The following LMX1B variants were observed in gnomAD, a reference collection of about 807,000 sequenced individuals.
LMX1B encodes LIM homeobox transcription factor 1 beta.
In LMX1B, 12 loss-of-function variants were observed where a neutral mutation model predicts 51.4. The ratio of observed to expected loss-of-function variants is 0.23; its 90% CI spans 0.15 to 0.38. The LOEUF (loss-of-function observed/expected upper bound fraction) is 0.38, where lower values mean the gene tolerates loss of function less well. LMX1B is among the 10% of genes least tolerant of loss of function. LMX1B has a pLI of 1.00. For synonymous variants in LMX1B, 237 were observed against 235.4 expected, an observed-to-expected ratio of 1.01 and a Z score of -0.06; for missense variants, 445 against 571.1, an observed-to-expected ratio of 0.78 and a Z score of 2.25.
chr9:126,678,340 A>G (rs1392572198), intron 2 of LMX1B, among the ~76,000 whole-genome samples: 1 of 149,240 alleles, frequency 6.7e-6, no homozygotes, highest in African/African-American at 2.6e-5. Flanking sequence ...AAAAAAAAAA[A>G]ACAAAAAGAC....
intron 2 of LMX1B, among the ~76,000 whole-genome samples, chr9:126,630,055 G>A (rs900558499): frequency 1.2e-4 from 18 of 151,866 alleles, no homozygotes; most frequent in Non-Finnish European, 2.9e-5. Flanking sequence ...CCAGCTACTC[G>A]GGAGGCTGAG....
At chr9:126,660,898 G>C (rs1158387962) in intron 2 of LMX1B, among the ~76,000 whole-genome samples, 2 of 152,204 alleles carry the variant, frequency 1.3e-5, no homozygotes, top group Non-Finnish European at 2.9e-5. Flanking sequence ...AGGGCATTTT[G>C]GGAGACGCCA....
chr9:126,695,502 G>A lies in LMX1B; in HGVS notation c.887-337G>A, dbSNP rs2030293297. Reference sequence around the variant, plus strand: ...CTTTCCTCCAGGAAGTCTTCCCGGGGCCTTTTTGGCCTGGGTCTGGGACCT... The same window carrying A: ...CTTTCCTCCAGGAAGTCTTCCCGGGACCTTTTTGGCCTGGGTCTGGGACCT... On this transcript the variant is annotated intron_variant, in intron 6 of 7. Coordinates refer to ENST00000373474, the MANE Select transcript of LMX1B (RefSeq NM_001174147.2). This position sits in a 1 kb window ranked among gnomAD's most constrained non-coding sequence, Gnocchi z 5.2. Among the ~76,000 whole-genome samples the A allele has an allele frequency of 6.6e-6, 1 of 152,228 alleles. No homozygotes were observed. The highest frequency in any genetic ancestry group is 2.4e-5 in the African/African-American group (1 of 41,460).
chr9:126,617,856 C>T (rs1835331956), intron 2 of LMX1B, among the ~76,000 whole-genome samples: 1 of 136,148 alleles, frequency 7.3e-6, no homozygotes, highest in Admixed American at 8.5e-5. Flanking sequence ...TCTATTTTTT[C>T]CAATAACGCC....
At chr9:126,642,602 C>A (rs562086925) in intron 2 of LMX1B, among the ~76,000 whole-genome samples, 6 of 152,246 alleles carry the variant, frequency 3.9e-5, no homozygotes, top group Non-Finnish European at 5.9e-5. Context: ...CAGCCCTTGT[C>A]ATGTGGCTTT....
chr9:126,652,459 G>T (rs986457266), intron 2 of LMX1B, among the ~76,000 whole-genome samples: 2 of 152,260 alleles, frequency 1.3e-5, no homozygotes, highest in Non-Finnish European at 2.9e-5. Flanking sequence ...GGCCGCATGG[G>T]CGGGGCTGGC....
chr9:126,668,112 C>T (rs1385442790), intron 2 of LMX1B, among the ~76,000 whole-genome samples: 2 of 152,050 alleles, frequency 1.3e-5, no homozygotes, highest in African/African-American at 4.8e-5. Context: ...GGTTAGGAAA[C>T]GGAGGGCAGA....
chr9:126,691,241 A>T (rs555057358), intron 3 of LMX1B, among the ~76,000 whole-genome samples, 173 bp downstream of exon 3: 1 of 152,264 alleles, frequency 6.6e-6, no homozygotes, highest in South Asian at 2.1e-4. Flanking sequence ...CTGTGTGCAC[A>T]TGATACGAAC....
In LMX1B at chr9:126,625,128, AAAG is replaced by A. The variant is rs941365095; in HGVS notation, c.326+9563_326+9565del. Among the ~76,000 whole-genome samples, 18 of 152,344 alleles carry A rather than the reference AAAG, an allele frequency of 1.2e-4. No homozygotes were observed. The highest frequency in any genetic ancestry group is 1.2e-3 in the Admixed American group (18 of 15,310). On this transcript the variant is annotated intron_variant, in intron 2 of 7. Transcript: ENST00000373474. This position sits in a 1 kb window ranked among gnomAD's most constrained non-coding sequence, Gnocchi z 5.3. ...TCCCCTTATTCATGTCAAGCACAGA[AAAG>A]AAGCCGAGCACCTTACAACCGTGTC...
chr9:126,662,440 A>G lies in LMX1B; in HGVS notation c.327-28396A>G, dbSNP rs3861871. On this transcript the variant is annotated intron_variant, in intron 2 of 7. Transcript: ENST00000373474. The stretch of plus-strand genomic sequence containing the variant: ...TCAATTTCCTCGGCTGTAAAGTGGG[A>G]CCAGGATCTGTTTGCTTGAGGGTAG... Among the ~76,000 whole-genome samples, 71,099 of 152,014 alleles carry G rather than the reference A, an allele frequency of 0.47. 16,755 individuals are homozygous for G. Among genetic ancestry groups the G allele is most frequent in the East Asian group, 0.57 (2,931 of 5,156 alleles).
Position 126,696,524 on chromosome 9 carries a change from AC to A in LMX1B, c.*78del. On this transcript the variant is annotated 3_prime_UTR_variant, in exon 8 of 8. Transcript: ENST00000373474. Reference sequence around the variant, plus strand: ...GCCAGCCTCTGCGGCCAGCCTGGCCACCCCCGCCCTGCTCTCCGCACAGACT... The same window carrying A: ...GCCAGCCTCTGCGGCCAGCCTGGCCACCCCGCCCTGCTCTCCGCACAGACT... 2 of 1,549,754 alleles carry A rather than the reference AC, an allele frequency of 1.3e-6. No homozygotes were observed. The highest frequency in any genetic ancestry group is 1.8e-6 in the Non-Finnish European group (2 of 1,124,066).
intron 2 of LMX1B, among the ~76,000 whole-genome samples, chr9:126,638,744 C>A (rs990819820): frequency 1.3e-5 from 2 of 152,170 alleles, no homozygotes; most frequent in African/African-American, 2.4e-5. Context: ...CCGATCTCTC[C>A]CGGGGGAGCC....
intron 3 of LMX1B, among the ~76,000 whole-genome samples, chr9:126,691,934 C>T (rs2030148474): frequency 6.6e-6 from 1 of 152,234 alleles, no homozygotes; most frequent in South Asian, 2.1e-4. Flanking sequence ...GCAGACAGGG[C>T]AAGCCCAGCC....
chr9:126,655,331 C>T (rs776422230), intron 2 of LMX1B, among the ~76,000 whole-genome samples: 2 of 152,152 alleles, frequency 1.3e-5, no homozygotes, highest in African/African-American at 2.4e-5. Context: ...TAGACCACCC[C>T]TCCAGCACTG....
chr9:126,682,524 T>C (rs1239435749), intron 2 of LMX1B, among the ~76,000 whole-genome samples: 2 of 152,120 alleles, frequency 1.3e-5, no homozygotes, highest in Non-Finnish European at 2.9e-5. Context: ...GGTGGGGGCA[T>C]TGGGAGGGGC....
At chr9:126,691,674 C>T (rs762904576) in intron 3 of LMX1B, among the ~76,000 whole-genome samples, 1 of 152,176 alleles carries the variant, frequency 6.6e-6, no homozygotes, top group Non-Finnish European at 1.5e-5. Flanking sequence ...CCACAGGGGT[C>T]TTCACCAGCA....
At chr9:126,648,666 C>G (rs549262467) in intron 2 of LMX1B, among the ~76,000 whole-genome samples, 2 of 152,118 alleles carry the variant, frequency 1.3e-5, no homozygotes, top group Admixed American at 1.3e-4. Context: ...ATGGATAGAT[C>G]GATGGACAGG....
chr9:126,684,647 G>A (rs1240875504), intron 2 of LMX1B, among the ~76,000 whole-genome samples: 1 of 152,114 alleles, frequency 6.6e-6, no homozygotes, highest in Non-Finnish European at 1.5e-5. Context: ...GGGAAGGAAG[G>A]GACACAGGAC....
At position 126,671,691 on chromosome 9, in the gene LMX1B, G is replaced by A. The variant is rs115626157; in HGVS notation, c.327-19145G>A. 0.01 allele frequency among the ~76,000 whole-genome samples: 1,533 copies of A among 152,260 alleles called. 31 individuals are homozygous for A. The highest frequency in any genetic ancestry group is 0.035 in the African/African-American group (1,449 of 41,542). ...TCAGCGGGCCTGCCCTGTGCCGAGC[G>A]GTGGAATTTTTCAATAACCAGCAGC... On this transcript the variant is annotated intron_variant, in intron 2 of 7. Transcript: ENST00000373474. This position sits in a 1 kb window ranked among gnomAD's most constrained non-coding sequence, Gnocchi z 4.4.
Sources: gnomAD v4.1 joint callset for allele counts (sites outside exome capture counted in the v4.1 genomes callset) on GRCh38, gnomAD v4.1.1 for gene constraint, Gnocchi (gnomAD v3.1) non-coding constraint, MANE v1.5 for transcripts, NCBI Gene and HGNC (gene_info 2026-07-23, HGNC 2026-07-21) for gene names.